The following EPHA4 variants were observed in gnomAD, a reference collection of about 807,000 sequenced individuals.
The protein encoded by EPHA4 is EPH receptor A4, also known as ephrin type-A receptor 4.
EPHA4 carries 19 observed loss-of-function variants against 108.3 expected under a neutral mutation model. The observed-to-expected ratio is 0.18, with a 90% CI of 0.12 to 0.26. EPHA4 has a LOEUF of 0.26. Among genes scored for constraint, EPHA4 ranks in the 10% least tolerant of loss-of-function variants. The pLI, the probability that EPHA4 is intolerant of heterozygous loss-of-function variation, is 1.00. For missense variants in EPHA4, 917 were observed against 1,254.0 expected (o/e 0.73, Z 4.06); for synonymous variants, 449 against 455.5 (o/e 0.99, Z 0.18).
chr2:221,539,256 C>T (rs1192613416), intron 3 of EPHA4, among the ~76,000 whole-genome samples: 1 of 152,198 alleles, frequency 6.6e-6, no homozygotes, highest in Non-Finnish European at 1.5e-5. Flanking sequence ...GGAACTATTA[C>T]TACTTGCATT....
chr2:221,517,457 T>C (rs562158303), intron 3 of EPHA4, among the ~76,000 whole-genome samples: 3 of 152,246 alleles, frequency 2.0e-5, no homozygotes, highest in African/African-American at 7.2e-5. Flanking sequence ...ATTTGGCTGC[T>C]GGTAGAACGT....
At chr2:221,527,949 G>A (rs960003562) in intron 3 of EPHA4, among the ~76,000 whole-genome samples, 2 of 152,064 alleles carry the variant, frequency 1.3e-5, no homozygotes, top group Non-Finnish European at 2.9e-5. Flanking sequence ...CATGAGCAGA[G>A]ACAAAGACAT....
intron 3 of EPHA4, among the ~76,000 whole-genome samples, chr2:221,553,904 G>A (rs772461956): frequency 6.6e-6 from 1 of 152,168 alleles, no homozygotes; most frequent in Admixed American, 6.5e-5. Flanking sequence ...GATTATCTGG[G>A]TAATTAAGAA....
intron 3 of EPHA4, among the ~76,000 whole-genome samples, chr2:221,515,991 C>T (rs1431325138): frequency 6.7e-6 from 1 of 149,826 alleles, no homozygotes; most frequent in African/African-American, 2.5e-5. Flanking sequence ...AGTCATAAAT[C>T]CTTCCCCCAG....
chr2:221,530,250 A>T (rs1298190364), intron 3 of EPHA4, among the ~76,000 whole-genome samples: 1 of 152,058 alleles, frequency 6.6e-6, no homozygotes, highest in Non-Finnish European at 1.5e-5. Context: ...TACATGTCTC[A>T]GCAAGTCGCC....
intron 3 of EPHA4, among the ~76,000 whole-genome samples, chr2:221,542,518 C>T (rs1693866831): frequency 6.6e-6 from 1 of 152,244 alleles, no homozygotes; most frequent in African/African-American, 2.4e-5. Context: ...AAAGTCCATA[C>T]TTCATCCATG....
intron 4 of EPHA4, 139 bp downstream of exon 4, chr2:221,500,878 G>T: frequency 2.0e-6 from 2 of 1,021,304 alleles, no homozygotes; most frequent in South Asian, 1.9e-5. Flanking sequence ...CATTTCCCCT[G>T]CTATGATTGA....
chr2:221,451,963 T>A (rs914625303), intron 8 of EPHA4, among the ~76,000 whole-genome samples: 4 of 152,210 alleles, frequency 2.6e-5, no homozygotes, highest in African/African-American at 9.6e-5. Context: ...ATAAGCTGCA[T>A]GTGTACAATG....
intron 14 of EPHA4, among the ~76,000 whole-genome samples, chr2:221,432,269 G>C (rs960141040): frequency 5.9e-5 from 9 of 152,026 alleles, no homozygotes; most frequent in Admixed American, 3.3e-4. Context: ...TGATTTCAAC[G>C]GAAGAAAAAG....
At chr2:221,493,446 A>T (rs1290051584) in intron 4 of EPHA4, among the ~76,000 whole-genome samples, 1 of 152,096 alleles carries the variant, frequency 6.6e-6, no homozygotes, top group South Asian at 2.1e-4. Context: ...AGCCCTTAAA[A>T]AAATAAAAAA....
chr2:221,482,599 G>A lies in EPHA4; in HGVS notation c.1071C>T (p.Arg357=), dbSNP rs1385575754. 2 of 1,613,988 alleles carry A rather than the reference G, an allele frequency of 1.2e-6. No individual in the cohort carries two copies. The highest frequency in any genetic ancestry group is 2.2e-5 in the South Asian group (2 of 91,076). Residue 357 remains arginine, a synonymous_variant, in exon 5 of 18, where the codon CGC becomes CGT. Transcript: ENST00000281821. The stretch of plus-strand genomic sequence containing the variant: ...ATACCACATTATAGGAAATGTCCTG[G>A]CGGCCACCTGTATTCTGAGGGCTAC... The part of the protein sequence containing the change: ...EWSSPQNTGG[R]QDISYNVVCK...
chr2:221,570,478 G>T (rs923536843), intron 1 of EPHA4, among the ~76,000 whole-genome samples: 15 of 152,192 alleles, frequency 9.9e-5, no homozygotes, highest in Non-Finnish European at 1.6e-4. Context: ...CCTAGGGACC[G>T]AGGGGCGGCG....
chr2:221,568,991 A>T (rs985991831), intron 1 of EPHA4, among the ~76,000 whole-genome samples: 1 of 152,168 alleles, frequency 6.6e-6, no homozygotes, highest in Non-Finnish European at 1.5e-5. Flanking sequence ...TATTTATTCA[A>T]CTTGCTTAAC....
chr2:221,502,139 G>A (rs1559269234), intron 3 of EPHA4, among the ~76,000 whole-genome samples: 1 of 151,900 alleles, frequency 6.6e-6, no homozygotes, highest in African/African-American at 2.4e-5. Flanking sequence ...TTAGTAGTGT[G>A]GAAAAACTCA....
chr2:221,557,149 G>T (rs1240918171), intron 3 of EPHA4, among the ~76,000 whole-genome samples: 2 of 152,186 alleles, frequency 1.3e-5, no homozygotes, highest in African/African-American at 4.8e-5. Context: ...GGGTCTTGGG[G>T]AACATAGCTG....
intron 3 of EPHA4, among the ~76,000 whole-genome samples, chr2:221,505,767 T>TTG (rs1692611365): frequency 6.6e-6 from 1 of 152,140 alleles, no homozygotes; most frequent in Admixed American, 6.5e-5. Context: ...CATGCTACTC[T>TTG]TGCAAACGCA....
In EPHA4 at chr2:221,501,136, T is replaced by C; in HGVS notation, c.860A>G (p.Asp287Gly). Residue 287 changes from aspartate (D) to glycine (G), a missense_variant, in exon 4 of 18, where the codon GAT becomes GGT. Transcript: ENST00000281821. Reference protein sequence around the residue: ...KIGYYKALSTDATCAKCPPHS... With the variant: ...KIGYYKALSTGATCAKCPPHS... ...GGGTGGGCACTTGGCACAGGTGGCA[T>C]CCGTGGAGAGAGCCTTGTAATATCC... 6.2e-7 allele frequency: 1 copy of C among 1,612,578 alleles called. No individual in the cohort carries two copies. The highest frequency in any genetic ancestry group is 8.5e-7 in the Non-Finnish European group (1 of 1,179,322).
chr2:221,446,573 A>T (rs1690601439), intron 8 of EPHA4, among the ~76,000 whole-genome samples: 1 of 152,150 alleles, frequency 6.6e-6, no homozygotes. Context: ...GTATATATAC[A>T]TTCTAAATTA....
chr2:221,465,700 C>A (rs1327777784), intron 5 of EPHA4, among the ~76,000 whole-genome samples: 1 of 152,122 alleles, frequency 6.6e-6, no homozygotes, highest in East Asian at 1.9e-4. Flanking sequence ...TTTTCTTGAA[C>A]CCACAAGCCA....
Sources: gnomAD v4.1 joint callset for allele counts (sites outside exome capture counted in the v4.1 genomes callset) on GRCh38, gnomAD v4.1.1 for gene constraint, MANE v1.5 for transcripts, NCBI Gene and HGNC (gene_info 2026-07-23, HGNC 2026-07-21) for gene names.